Variants in NBEA observed in about 807,000 individuals in gnomAD.
The protein encoded by NBEA is lysosomal-trafficking regulator 2.
In NBEA, 44 loss-of-function variants were observed where a neutral mutation model predicts 343.4. The observed-to-expected ratio is 0.13, with a 90% confidence interval of 0.10 to 0.16. The LOEUF (loss-of-function observed/expected upper bound fraction) is 0.16, where lower values mean the gene tolerates loss of function less well. Among genes scored for constraint, NBEA ranks in the 10% least tolerant of loss-of-function variants. The pLI, the probability that NBEA is intolerant of heterozygous loss-of-function variation, is 1.00. For missense variants in NBEA, 2,555 were observed against 3,631.3 expected (o/e 0.70, Z 7.62); for synonymous variants, 1,175 against 1,238.7 (o/e 0.95, Z 1.08).
chr13:35,581,969 A>T (rs2153036990), intron 45 of NBEA, among the ~76,000 whole-genome samples: 1 of 152,096 alleles, frequency 6.6e-6, no homozygotes, highest in East Asian at 1.9e-4. Flanking sequence ...AGTATAAAAT[A>T]TGTGGGTAAT....
chr13:35,098,240 C>T (rs1294438345), intron 10 of NBEA, 57 bp from the exon 11 acceptor site: 11 of 1,190,032 alleles, frequency 9.2e-6, no homozygotes, highest in South Asian at 2.8e-5. Context: ...TGAAGTGGGA[C>T]ACTGTTTATA....
intron 30 of NBEA, among the ~76,000 whole-genome samples, chr13:35,188,731 C>G (rs1185119814): frequency 1.3e-5 from 2 of 151,998 alleles, no homozygotes; most frequent in Non-Finnish European, 2.9e-5. Context: ...TTTCATATCA[C>G]TTGGATATAT....
chr13:35,110,051 TAAA>T (rs1566299478), intron 12 of NBEA, among the ~76,000 whole-genome samples: 93 of 109,484 alleles, frequency 8.5e-4, no homozygotes, highest in Non-Finnish European at 9.0e-4. Flanking sequence ...TTTTTTTTTT[TAAA>T]TGTTTTTTTT....
chr13:35,216,024 T>A (rs1265931055), intron 33 of NBEA, among the ~76,000 whole-genome samples: 3 of 151,680 alleles, frequency 2.0e-5, no homozygotes. Context: ...ATAAGCATGA[T>A]CCCTAATGAT....
At chr13:34,955,211 A>G (rs537835859) in intron 1 of NBEA, among the ~76,000 whole-genome samples, 1 of 151,878 alleles carries the variant, frequency 6.6e-6, no homozygotes, top group East Asian at 1.9e-4. Context: ...TTCATATGGA[A>G]ACTTCCGTTT....
intron 18 of NBEA, among the ~76,000 whole-genome samples, chr13:35,147,960 C>A (rs1460989902): frequency 6.6e-6 from 1 of 152,030 alleles, no homozygotes; most frequent in East Asian, 1.9e-4. Context: ...GCTGTTGCAC[C>A]CCATTTTCTG....
intron 30 of NBEA, chr13:35,186,232 A>G (rs1442597379): frequency 4.6e-5 from 7 of 152,218 alleles, no homozygotes; most frequent in African/African-American, 1.7e-4. Context: ...TAAGCCCAGG[A>G]AGTTTAGGTT....
At chr13:35,359,087 T>G (rs1248923623) in intron 38 of NBEA, among the ~76,000 whole-genome samples, 1 of 152,164 alleles carries the variant, frequency 6.6e-6, no homozygotes, top group East Asian at 1.9e-4. Flanking sequence ...ATTTGTGACT[T>G]TATCCTAAGT....
At chr13:34,956,340 A>G (rs73167718) in intron 1 of NBEA, among the ~76,000 whole-genome samples, 1 of 150,950 alleles carries the variant, frequency 6.6e-6, no homozygotes, top group Non-Finnish European at 1.5e-5. Flanking sequence ...CAAATAATCA[A>G]TTTTTTATAA....
rs141910836 is a variant in NBEA, at chr13:35,326,798, TA to T, written c.5903+17209del. Reference sequence around the variant, plus strand: ...CAAAAATTGACAAGTGGGACAAGGTTAAACTAAGAGCTCCAGCACAGTGAAA... The same window carrying T: ...CAAAAATTGACAAGTGGGACAAGGTTAACTAAGAGCTCCAGCACAGTGAAA... On this transcript the variant is annotated intron_variant, in intron 36 of 58. Coordinates refer to ENST00000379939, the MANE Select transcript of NBEA (RefSeq NM_001385012.1). Among the ~76,000 whole-genome samples the T allele has an allele frequency of 2.0e-3, 306 of 151,974 alleles. 1 individual carries two copies. Among genetic ancestry groups the T allele is most frequent in the African/African-American group, 6.8e-3 (282 of 41,498 alleles).
intron 33 of NBEA, among the ~76,000 whole-genome samples, chr13:35,219,499 T>G (rs2074247333): frequency 6.6e-6 from 1 of 152,148 alleles, no homozygotes; most frequent in South Asian, 2.1e-4. Flanking sequence ...TTAGTCAAGC[T>G]TATTTAGAGA....
chr13:35,372,028 AC>A (rs2041461141), intron 38 of NBEA, among the ~76,000 whole-genome samples: 1 of 151,926 alleles, frequency 6.6e-6, no homozygotes, highest in African/African-American at 2.4e-5. Flanking sequence ...CTGTCTTTGG[AC>A]CCCTATCTGG....
chr13:35,161,953 A>T lies in NBEA; in HGVS notation c.4065A>T (p.Val1355=). ...TDLLFALETD[V]HVWRSHSTKS... The stretch of plus-strand genomic sequence containing the variant: ...TACTATTTGCATTAGAAACTGATGT[A>T]CATGTTTGGAGGAGGTAGAAATATT... The change falls in exon 23 of 59, where the codon GTA becomes GTT. Residue 1355 remains valine, a synonymous_variant. Transcript: ENST00000379939. 4 of 1,549,188 alleles carry T rather than the reference A, an allele frequency of 2.6e-6. No individual in the cohort carries two copies. The highest frequency in any genetic ancestry group is 3.5e-6 in the Non-Finnish European group (4 of 1,144,352).
At chr13:35,021,751 T>G (rs911826206) in intron 1 of NBEA, among the ~76,000 whole-genome samples, 1 of 152,138 alleles carries the variant, frequency 6.6e-6, no homozygotes, top group South Asian at 2.1e-4. Flanking sequence ...AGTACACATA[T>G]ATTTCTCCCG....
intron 11 of NBEA, among the ~76,000 whole-genome samples, chr13:35,107,629 A>G (rs2065980803): frequency 6.6e-6 from 1 of 151,954 alleles, no homozygotes; most frequent in South Asian, 2.1e-4. Context: ...CTGCCTTATC[A>G]TCTCTTAGAA....
intron 38 of NBEA, among the ~76,000 whole-genome samples, chr13:35,394,188 C>T (rs1005994516): frequency 3.3e-5 from 5 of 152,154 alleles, no homozygotes; most frequent in Non-Finnish European, 7.3e-5. Flanking sequence ...AGCCTATCTG[C>T]ACCACGCACT....
intron 34 of NBEA, among the ~76,000 whole-genome samples, chr13:35,258,704 T>C (rs898737283): frequency 6.6e-6 from 1 of 152,218 alleles, no homozygotes; most frequent in African/African-American, 2.4e-5. Context: ...GTGACTATTA[T>C]ACTACATGAT....
intron 1 of NBEA, among the ~76,000 whole-genome samples, chr13:35,038,014 T>G (rs2152555617): frequency 6.6e-6 from 1 of 152,260 alleles, no homozygotes; most frequent in East Asian, 1.9e-4. Flanking sequence ...CTTAGAAACC[T>G]TAGAAATCTA....
At chr13:35,598,662 T>G (rs1038617985) in intron 47 of NBEA, among the ~76,000 whole-genome samples, 4 of 152,230 alleles carry the variant, frequency 2.6e-5, no homozygotes, top group African/African-American at 7.2e-5. Flanking sequence ...GGATACTGTT[T>G]ATAATGCCCT....
Sources: gnomAD v4.1 joint callset for allele counts (sites outside exome capture counted in the v4.1 genomes callset) on GRCh38, gnomAD v4.1.1 for gene constraint, MANE v1.5 for transcripts, NCBI Gene and HGNC (gene_info 2026-07-23, HGNC 2026-07-21) for gene names.